WDFY4: variants seen among roughly 807,000 people sequenced by gnomAD.
WDFY4 encodes WDFY family member 4, also known as WD repeat- and FYVE domain-containing protein 4.
In WDFY4, 169 loss-of-function variants were observed where a neutral mutation model predicts 351.9. The ratio of observed to expected loss-of-function variants is 0.48; its 90% CI spans 0.42 to 0.55. The LOEUF (loss-of-function observed/expected upper bound fraction) is 0.55. Ranked by LOEUF, WDFY4 falls within the 20% of genes least tolerant of loss-of-function variation. The pLI is 0.00. For synonymous variants in WDFY4, 1,622 were observed against 1,574.6 expected, an observed-to-expected ratio of 1.03 and a Z score of -0.71; for missense variants, 3,803 against 3,935.6, an observed-to-expected ratio of 0.97 and a Z score of 0.90.
At chr10:48,922,970 A>G (rs184978754) in intron 47 of WDFY4, among the ~76,000 whole-genome samples, 90 of 152,340 alleles carry the variant, frequency 5.9e-4, no homozygotes, top group African/African-American at 2.0e-3. Flanking sequence ...GATGGTGGTT[A>G]CATGAATCTG....
intron 13 of WDFY4, among the ~76,000 whole-genome samples, chr10:48,763,447 C>G (rs1244890691): frequency 6.6e-6 from 1 of 152,220 alleles, no homozygotes; most frequent in Non-Finnish European, 1.5e-5. Context: ...TCATACAACG[C>G]ATTGTACTTG....
intron 3 of WDFY4, among the ~76,000 whole-genome samples, chr10:48,720,692 GGAAGTGCTAGGATT>G (rs768434991): frequency 5.1e-4 from 77 of 152,056 alleles, no homozygotes; most frequent in Non-Finnish European, 9.4e-4. Context: ...GTCTCTGGGA[GGAAGTGCTAGGATT>G]GAAGATGCAC....
At position 48,778,880 on chromosome 10, in the gene WDFY4, T is replaced by C. The variant is rs189553312; in HGVS notation, c.3397+48T>C. On this transcript the variant is annotated intron_variant, in intron 18 of 61. Transcript: ENST00000325239. ...CAGTTTCATCCACATGTGGGGGAAA[T>C]GGGGCTAAGTCAGAAGCTCTCAACA... is the stretch of plus-strand genomic sequence containing the variant. The C allele has an allele frequency of 7.7e-4, 1,178 of 1,535,484 alleles. 6 individuals carry two copies. In the African/African-American group the frequency reaches 0.015, roughly 19 times the overall value.
chr10:48,870,570 A>G (rs1230054076), intron 40 of WDFY4, among the ~76,000 whole-genome samples: 1 of 151,950 alleles, frequency 6.6e-6, no homozygotes, highest in East Asian at 1.9e-4. Flanking sequence ...AAAAAAAAAA[A>G]AAGAAAGAAA....
At chr10:48,969,325 A>AT in intron 56 of WDFY4, 77 bp downstream of exon 56, 1 of 1,505,642 alleles carries the variant, frequency 6.6e-7, no homozygotes, top group Non-Finnish European at 8.9e-7. Flanking sequence ...TGGCCCAGAG[A>AT]TAAGTGAGTC....
At chr10:48,871,635 C>G (rs1226127374) in intron 40 of WDFY4, among the ~76,000 whole-genome samples, 1 of 152,066 alleles carries the variant, frequency 6.6e-6, no homozygotes, top group Non-Finnish European at 1.5e-5. Flanking sequence ...ACTAACATGC[C>G]CAGTTATTTC....
rs1842470145 is a variant in WDFY4, at chr10:48,974,519, A to AAAAAAAAACACAAC, written c.8929-335_8929-334insCACAACAAAAAAAA. 4.4e-4 allele frequency among the ~76,000 whole-genome samples: 22 copies of AAAAAAAAACACAAC among 49,970 alleles called. 4 individuals carry two copies. In the East Asian group the frequency reaches 0.01, roughly 23 times the overall value. 32.8% of individuals were successfully genotyped at this position (49,970 alleles called of 152,430 possible). ...CTCCGTCTCAAAAAAAAAAAAAAAA[A>AAAAAAAAACACAAC]AAAAAAAAAACAACTCATGACATGA... is the stretch of plus-strand genomic sequence containing the variant. On this transcript the variant is annotated intron_variant, in intron 57 of 61. Coordinates refer to ENST00000325239, the MANE Select transcript of WDFY4 (RefSeq NM_001394531.1).
At chr10:48,771,617 T>C (rs2065868423) in intron 13 of WDFY4, among the ~76,000 whole-genome samples, 1 of 152,188 alleles carries the variant, frequency 6.6e-6, no homozygotes, top group Non-Finnish European at 1.5e-5. Flanking sequence ...TCAAGAGCCT[T>C]GTGAAATGTG....
chr10:48,812,190 G>GTTTTTTTTTTTTT (rs199764757), intron 30 of WDFY4, among the ~76,000 whole-genome samples: 1 of 137,532 alleles, frequency 7.3e-6, no homozygotes. Flanking sequence ...TTTTTTTTTT[G>GTTTTTTTTTTTTT]TTTTTTTTGT....
At chr10:48,886,861 A>T (rs2070477659) in intron 43 of WDFY4, among the ~76,000 whole-genome samples, 1 of 152,200 alleles carries the variant, frequency 6.6e-6, no homozygotes, top group African/African-American at 2.4e-5. Context: ...AGTTGATCTT[A>T]AAAAAGCTCT....
In WDFY4 at chr10:48,731,524, C is replaced by T. The variant is rs764448240; in HGVS notation, c.1544C>T (p.Ala515Val). Residue 515 changes from alanine to valine, a missense_variant, in exon 9 of 62, where the codon GCA becomes GTA. Ala to Val is a moderately conservative substitution (Grantham distance 64). Around this residue, in one of 3 missense-constraint regions of WDFY4, gnomAD observed 261 missense variants for 330.2 expected, o/e 0.79. Coordinates refer to ENST00000325239, the MANE Select transcript of WDFY4 (RefSeq NM_001394531.1). ...TCAGGGCTCCTGGGCCTGCTACTGG[C>T]ACAGCTTCGGAAGCAAGCCAAGATC... is the stretch of plus-strand genomic sequence containing the variant. ...RDSGLLGLLL[A>V]QLRKQAKIMR... The T allele has an allele frequency of 1.3e-6, 2 of 1,551,334 alleles. No individual in the cohort carries two copies. Among genetic ancestry groups the T allele is most frequent in the South Asian group, 2.4e-5 (2 of 84,058 alleles).
rs372536205 is a variant in WDFY4, at chr10:48,890,600, G to A, written c.7189G>A (p.Val2397Met). The A allele has an allele frequency of 5.8e-6, 9 of 1,551,556 alleles. No homozygotes were observed. In the African/African-American group the frequency reaches 9.6e-5, roughly 17 times the overall value. The change falls in exon 44 of 62, where the codon GTG becomes ATG. Residue 2397 changes from valine (V) to methionine (M), a missense_variant. Val to Met is a conservative substitution (Grantham distance 21). Coordinates refer to ENST00000325239, the MANE Select transcript of WDFY4 (RefSeq NM_001394531.1). ...CCAGGTGACGCAGAAGTTCTCCCTG[G>A]TGATTGTGCAGGGCCACCTGGTGTC... ...KEKVTQKFSL[V>M]IVQGHLVSEG...
intron 24 of WDFY4, among the ~76,000 whole-genome samples, chr10:48,800,684 TTCTTTC>T (rs1158538683): frequency 7.5e-6 from 1 of 132,568 alleles, no homozygotes; most frequent in Non-Finnish European, 1.6e-5. Context: ...CTTTCTTTCT[TTCTTTC>T]TTTCTTTCTT....
intron 47 of WDFY4, among the ~76,000 whole-genome samples, chr10:48,925,704 T>C (rs560772498): frequency 1.6e-4 from 25 of 152,232 alleles, no homozygotes; most frequent in African/African-American, 5.5e-4. Context: ...GCAGAGCTGA[T>C]GGAGGGATGA....
At chr10:48,910,220 A>C in intron 47 of WDFY4, 2 of 1,605,010 alleles carry the variant, frequency 1.2e-6, no homozygotes, top group Non-Finnish European at 1.7e-6. Flanking sequence ...AGTCTTCAAG[A>C]TTTTGCCACA....
chr10:48,702,360 G>A (rs184090705), intron 1 of WDFY4, among the ~76,000 whole-genome samples: 4 of 152,170 alleles, frequency 2.6e-5, no homozygotes, highest in African/African-American at 4.8e-5. Flanking sequence ...TCTATCCCCC[G>A]CAAAATTCCA....
At chr10:48,974,500 C>A in intron 57 of WDFY4, among the ~76,000 whole-genome samples, 1 of 1,176 alleles carries the variant, frequency 8.5e-4, no homozygotes, top group Non-Finnish European at 7.9e-3. Context: ...AAGACTCCGT[C>A]TCAAAAAAAA....
chr10:48,941,886 G>T (rs1840785501), intron 48 of WDFY4, 38 bp downstream of exon 48: 1 of 1,547,614 alleles, frequency 6.5e-7, no homozygotes, highest in South Asian at 1.2e-5. Flanking sequence ...CTCTGGGAAT[G>T]CAAACCAGAG....
intron 51 of WDFY4, among the ~76,000 whole-genome samples, chr10:48,955,215 T>C (rs373114551): frequency 1.4e-4 from 21 of 152,222 alleles, no homozygotes; most frequent in African/African-American, 5.1e-4. Flanking sequence ...TCCATTTCAA[T>C]TTAAATTTGA....
Sources: allele counts gnomAD v4.1 joint callset (sites outside exome capture counted in the v4.1 genomes callset), GRCh38; gene constraint gnomAD v4.1.1; regional missense constraint gnomAD v4.1.1; transcripts MANE v1.5; gene names NCBI Gene and HGNC (gene_info 2026-07-23, HGNC 2026-07-21).